The following ADAM22 variants were observed in gnomAD, a reference collection of about 807,000 sequenced individuals.
ADAM22 encodes the protein ADAM metallopeptidase domain 22, also known as disintegrin and metalloproteinase domain-containing protein 22.
ADAM22 carries 65 observed loss-of-function variants against 144.6 expected under a neutral mutation model. The ratio of observed to expected loss-of-function variants is 0.45; its 90% CI spans 0.37 to 0.55. The LOEUF (loss-of-function observed/expected upper bound fraction) is 0.55. Ranked by LOEUF, ADAM22 falls within the 20% of genes least tolerant of loss-of-function variation. The pLI, the probability that ADAM22 is intolerant of heterozygous loss-of-function variation, is 0.00. For missense variants in ADAM22, 974 were observed against 1,184.9 expected (o/e 0.82, Z 2.61); for synonymous variants, 391 against 412.6 (o/e 0.95, Z 0.63).
chr7:87,973,739 C>A (rs1851114698), intron 2 of ADAM22, among the ~76,000 whole-genome samples: 1 of 152,040 alleles, frequency 6.6e-6, no homozygotes, highest in South Asian at 2.1e-4. Flanking sequence ...ACATATACAC[C>A]ATGGAATACT....
At chr7:88,141,508 T>C (rs1375260471) in intron 14 of ADAM22, among the ~76,000 whole-genome samples, 1 of 152,190 alleles carries the variant, frequency 6.6e-6, no homozygotes, top group Non-Finnish European at 1.5e-5. Flanking sequence ...TGGGAAACTT[T>C]ATAAAAACTA....
chr7:88,147,190 C>G (rs2129524308), intron 17 of ADAM22, among the ~76,000 whole-genome samples: 1 of 152,226 alleles, frequency 6.6e-6, no homozygotes, highest in South Asian at 2.1e-4. Flanking sequence ...ATAGCTGTAC[C>G]AGTCAAGAGT....
At chr7:88,056,427 C>G (rs896505320) in intron 3 of ADAM22, among the ~76,000 whole-genome samples, 80 of 152,268 alleles carry the variant, frequency 5.3e-4, no homozygotes, top group African/African-American at 1.9e-3. Flanking sequence ...TAACATGAAG[C>G]CTTACCATTA....
chr7:88,176,548 A>G (rs1845721563), intron 26 of ADAM22, among the ~76,000 whole-genome samples: 1 of 152,208 alleles, frequency 6.6e-6, no homozygotes, highest in Non-Finnish European at 1.5e-5. Context: ...AAGGGATAAT[A>G]AAACGTGTTC....
intron 29 of ADAM22, chr7:88,186,173 G>A (rs145574450): frequency 8.5e-4 from 175 of 206,284 alleles, no homozygotes; most frequent in African/African-American, 4.0e-3. Context: ...CCTTTTAATT[G>A]TTCTTAGGGT....
At chr7:88,085,958 C>G (rs970383892) in intron 4 of ADAM22, among the ~76,000 whole-genome samples, 2 of 152,122 alleles carry the variant, frequency 1.3e-5, no homozygotes, top group South Asian at 2.1e-4. Flanking sequence ...AGGGGGATCA[C>G]GACGTCAGGA....
At chr7:88,130,865 G>A (rs1831596558) in intron 10 of ADAM22, among the ~76,000 whole-genome samples, 1 of 152,090 alleles carries the variant, frequency 6.6e-6, no homozygotes, top group East Asian at 1.9e-4. Flanking sequence ...CCCTTGATGA[G>A]GCTGCGCTAG....
intron 27 of ADAM22, 78 bp from the exon 28 acceptor site, chr7:88,181,427 T>C (rs1846992848): frequency 1.5e-5 from 17 of 1,168,292 alleles, no homozygotes; most frequent in Admixed American, 3.6e-5. Context: ...ACAGTAATGC[T>C]TAGAAGTTTT....
chr7:88,087,498 C>T (rs1818740540), intron 4 of ADAM22, among the ~76,000 whole-genome samples: 1 of 152,098 alleles, frequency 6.6e-6, no homozygotes, highest in Non-Finnish European at 1.5e-5. Flanking sequence ...TTTTAGAAAA[C>T]TAAGAGAGGA....
chr7:87,941,188 T>C (rs531915764), intron 2 of ADAM22, among the ~76,000 whole-genome samples: 2 of 152,336 alleles, frequency 1.3e-5, no homozygotes, highest in South Asian at 4.1e-4. Context: ...GCTCTTTCCC[T>C]AGGAAGTGTT....
chr7:88,095,169 G>A (rs542640946), intron 4 of ADAM22, among the ~76,000 whole-genome samples: 69 of 152,140 alleles, frequency 4.5e-4, no homozygotes, highest in Non-Finnish European at 9.0e-4. Flanking sequence ...CTCATGACAG[G>A]AAGCATGTCA....
chr7:88,043,301 C>T (rs901669345), intron 3 of ADAM22, among the ~76,000 whole-genome samples: 4 of 151,798 alleles, frequency 2.6e-5, no homozygotes, highest in East Asian at 1.9e-4. Context: ...CTGGCTAACA[C>T]GATGAAACCC....
chr7:88,157,699 C>T (rs1174767679), intron 22 of ADAM22, among the ~76,000 whole-genome samples: 1 of 152,064 alleles, frequency 6.6e-6, no homozygotes, highest in Non-Finnish European at 1.5e-5. Flanking sequence ...ACAGTCAGCA[C>T]AGACAACAGC....
At chr7:88,145,578 A>G in intron 17 of ADAM22, 71 bp downstream of exon 17, 1 of 1,198,960 alleles carries the variant, frequency 8.3e-7, no homozygotes, top group Non-Finnish European at 1.2e-6. Flanking sequence ...GGCTGGGTAA[A>G]TATAATCTAA....
chr7:88,202,344 C>T lies in ADAM22; in HGVS notation c.*5853C>T, dbSNP rs1365688902. On this transcript the variant is annotated 3_prime_UTR_variant, in exon 32 of 32. Coordinates refer to ENST00000413139, the MANE Select transcript of ADAM22 (RefSeq NM_001324418.2). Reference sequence around the variant, plus strand: ...CCAAACTAGCACCCCCAAAAGACAACTTCTTTCAGAAACGGGGTGTTTTAC... The same window carrying T: ...CCAAACTAGCACCCCCAAAAGACAATTTCTTTCAGAAACGGGGTGTTTTAC... 6.6e-6 allele frequency: 1 copy of T among 152,186 alleles called. No homozygotes were observed. The highest frequency in any genetic ancestry group is 1.5e-5 in the Non-Finnish European group (1 of 68,030). The allele number at this position is 152,186 out of a possible 1,614,324, so 9.4% of individuals were successfully genotyped here. A position where few individuals can be genotyped will look rare whatever the true frequency, so the allele number is the denominator to read the frequency against.
chr7:88,076,604 A>C (rs764545743), intron 4 of ADAM22, among the ~76,000 whole-genome samples: 2 of 152,162 alleles, frequency 1.3e-5, no homozygotes, highest in Non-Finnish European at 2.9e-5. Context: ...GGAGACAGAA[A>C]TCTCAGGATA....
At chr7:88,177,873 T>G (rs1846060509) in intron 26 of ADAM22, among the ~76,000 whole-genome samples, 1 of 152,184 alleles carries the variant, frequency 6.6e-6, no homozygotes, top group African/African-American at 2.4e-5. Context: ...AGCAAATTTG[T>G]GCTTTTGCTA....
At chr7:88,139,504 CA>C (rs1833995753) in intron 14 of ADAM22, among the ~76,000 whole-genome samples, 1 of 151,772 alleles carries the variant, frequency 6.6e-6, no homozygotes, top group Non-Finnish European at 1.5e-5. Flanking sequence ...ATAACTCTGG[CA>C]GAGATATGTT....
At chr7:87,997,350 G>A (rs1791480668) in intron 3 of ADAM22, among the ~76,000 whole-genome samples, 2 of 152,198 alleles carry the variant, frequency 1.3e-5, no homozygotes, top group Admixed American at 1.3e-4. Context: ...AATTAGTTTT[G>A]TATTGCTGCT....
Sources: gnomAD v4.1 joint callset for allele counts (sites outside exome capture counted in the v4.1 genomes callset) on GRCh38, gnomAD v4.1.1 for gene constraint, MANE v1.5 for transcripts, NCBI Gene and HGNC (gene_info 2026-07-23, HGNC 2026-07-21) for gene names.